Variants in DLG2 observed in about 807,000 individuals in gnomAD.
DLG2 encodes discs large MAGUK scaffold protein 2.
In DLG2, 45 loss-of-function variants were observed where a neutral mutation model predicts 132.5. The observed-to-expected ratio is 0.34, with a 90% confidence interval of 0.27 to 0.44. The LOEUF (loss-of-function observed/expected upper bound fraction) is 0.44. Ranked by LOEUF, DLG2 falls within the 20% of genes least tolerant of loss-of-function variation. The pLI, the probability that DLG2 is intolerant of heterozygous loss-of-function variation, is 1.00. For synonymous variants in DLG2, 424 were observed against 419.6 expected (o/e 1.01, Z -0.13); for missense variants, 1,045 against 1,196.9 (o/e 0.87, Z 1.87).
intron 7 of DLG2, among the ~76,000 whole-genome samples, chr11:84,312,932 C>A (rs1177401566): frequency 1.3e-5 from 2 of 152,008 alleles, no homozygotes; most frequent in East Asian, 3.9e-4. Flanking sequence ...GCCTCAGCCT[C>A]CCCAGTAGCT....
At chr11:84,902,083 G>A (rs1482330247) in intron 6 of DLG2, among the ~76,000 whole-genome samples, 1 of 152,068 alleles carries the variant, frequency 6.6e-6, no homozygotes, top group Non-Finnish European at 1.5e-5. Context: ...AGCTAACCTT[G>A]TTAATGAAAA....
intron 6 of DLG2, among the ~76,000 whole-genome samples, chr11:84,663,546 G>A (rs1243676041): frequency 1.3e-5 from 2 of 151,830 alleles, no homozygotes; most frequent in Non-Finnish European, 2.9e-5. Flanking sequence ...GAATGAATAG[G>A]GCAGGAACAC....
intron 18 of DLG2, among the ~76,000 whole-genome samples, chr11:83,741,508 C>G (rs2092508446): frequency 6.6e-6 from 1 of 152,002 alleles, no homozygotes; most frequent in Non-Finnish European, 1.5e-5. Context: ...TATATACCAA[C>G]AACATCATGG....
At chr11:84,689,576 T>A (rs897193822) in intron 6 of DLG2, among the ~76,000 whole-genome samples, 1 of 152,148 alleles carries the variant, frequency 6.6e-6, no homozygotes, top group Non-Finnish European at 1.5e-5. Context: ...TTGAGCACTA[T>A]TGACATCATC....
chr11:83,796,855 G>A (rs1257133175), intron 17 of DLG2, among the ~76,000 whole-genome samples: 2 of 152,182 alleles, frequency 1.3e-5, no homozygotes, highest in African/African-American at 4.8e-5. Context: ...GCTGTTCATT[G>A]CAGGACAGTG....
At chr11:84,697,864 T>G (rs1039298876) in intron 6 of DLG2, among the ~76,000 whole-genome samples, 4 of 151,468 alleles carry the variant, frequency 2.6e-5, no homozygotes, top group Non-Finnish European at 5.9e-5. Context: ...TACAGCTAGA[T>G]GGACCTAGCA....
At chr11:85,083,076 T>G (rs1343316728) in intron 6 of DLG2, among the ~76,000 whole-genome samples, 2 of 152,048 alleles carry the variant, frequency 1.3e-5, no homozygotes, top group Non-Finnish European at 2.9e-5. Flanking sequence ...AAACTCAAAC[T>G]CACCCTCCCT....
chr11:84,296,940 G>C (rs2098097082), intron 7 of DLG2, among the ~76,000 whole-genome samples: 1 of 151,994 alleles, frequency 6.6e-6, no homozygotes, highest in Non-Finnish European at 1.5e-5. Context: ...AAGTATTAGA[G>C]AAAGGGTCAA....
intron 6 of DLG2, among the ~76,000 whole-genome samples, chr11:85,101,378 CAT>C (rs2070827219): frequency 1.3e-5 from 2 of 152,036 alleles, no homozygotes; most frequent in South Asian, 4.2e-4. Context: ...ACAGTAAAAT[CAT>C]AGAATAAGTT....
At chr11:85,204,316 A>G (rs1164515194) in intron 4 of DLG2, among the ~76,000 whole-genome samples, 1 of 152,176 alleles carries the variant, frequency 6.6e-6, no homozygotes, top group African/African-American at 2.4e-5. Flanking sequence ...AAACTGTTAG[A>G]ACTAATAAAT....
chr11:84,216,594 C>T (rs890578199), intron 8 of DLG2, among the ~76,000 whole-genome samples: 2 of 151,980 alleles, frequency 1.3e-5, no homozygotes, highest in South Asian at 2.1e-4. Context: ...TAAGCTTGTC[C>T]AACCTAGAGA....
At chr11:84,535,065 G>T (rs373431747) in intron 6 of DLG2, among the ~76,000 whole-genome samples, 2 of 152,292 alleles carry the variant, frequency 1.3e-5, no homozygotes, top group East Asian at 1.9e-4. Flanking sequence ...CCTGACCAGA[G>T]TAGCTAAGTA....
chr11:85,502,427 G>GA (rs531656680), intron 3 of DLG2, among the ~76,000 whole-genome samples: 3 of 146,896 alleles, frequency 2.0e-5, no homozygotes, highest in East Asian at 4.3e-4. Flanking sequence ...ATAATAAAAA[G>GA]AAAAAAAATG....
At position 83,900,030 on chromosome 11, in the gene DLG2, T is replaced by G. The variant is rs530480717; in HGVS notation, c.1497-25542A>C. On this transcript the variant is annotated intron_variant, in intron 15 of 27. Coordinates refer to ENST00000376104, the MANE Select transcript of DLG2 (RefSeq NM_001142699.3). Reference sequence around the variant, plus strand: ...TGGAAATGAGAAACTTGTTGGGAAATGGAGCAAAGGTGACTCTTGGTATGT... The same window carrying G: ...TGGAAATGAGAAACTTGTTGGGAAAGGGAGCAAAGGTGACTCTTGGTATGT... Among the ~76,000 whole-genome samples the G allele has an allele frequency of 4.6e-5, 7 of 152,164 alleles. No individual in the cohort carries two copies. The South Asian group carries it at 1.5e-3, about 32-fold the overall frequency.
chr11:84,282,631 G>C (rs886538233), intron 7 of DLG2, among the ~76,000 whole-genome samples: 3 of 152,056 alleles, frequency 2.0e-5, no homozygotes, highest in Admixed American at 6.5e-5. Flanking sequence ...AGTTCAATCT[G>C]TCTCCTTGAA....
intron 6 of DLG2, among the ~76,000 whole-genome samples, chr11:84,673,404 T>A (rs888869508): frequency 6.6e-6 from 1 of 152,046 alleles, no homozygotes; most frequent in Non-Finnish European, 1.5e-5. Flanking sequence ...TGAATTTGAA[T>A]CCTGGCTTTG....
At chr11:84,044,133 T>C (rs1208958583) in intron 11 of DLG2, among the ~76,000 whole-genome samples, 4 of 151,786 alleles carry the variant, frequency 2.6e-5, no homozygotes, top group African/African-American at 7.2e-5. Flanking sequence ...GGCTCTGTCA[T>C]CATTTGTATG....
intron 11 of DLG2, among the ~76,000 whole-genome samples, chr11:84,038,165 A>T (rs891846295): frequency 6.6e-6 from 1 of 151,892 alleles, no homozygotes; most frequent in Non-Finnish European, 1.5e-5. Context: ...GTTCCCCTCT[A>T]TGGCTTCTCC....
intron 17 of DLG2, among the ~76,000 whole-genome samples, chr11:83,828,837 T>C (rs1382946003): frequency 6.6e-6 from 1 of 152,156 alleles, no homozygotes; most frequent in Non-Finnish European, 1.5e-5. Flanking sequence ...TGTTACTGTC[T>C]CTTCTCTTTC....
Sources: gnomAD v4.1 joint callset for allele counts (sites outside exome capture counted in the v4.1 genomes callset) on GRCh38, gnomAD v4.1.1 for gene constraint, MANE v1.5 for transcripts, NCBI Gene and HGNC (gene_info 2026-07-23, HGNC 2026-07-21) for gene names.